The following PRKCZ variants were observed in gnomAD, a reference collection of about 807,000 sequenced individuals.
PRKCZ encodes protein kinase C zeta type.
Under a neutral mutation model 79.5 loss-of-function variants are expected in PRKCZ, and 33 were observed. The observed-to-expected ratio is 0.41, with a 90% CI of 0.31 to 0.55. The LOEUF is 0.55. PRKCZ is among the 20% of genes least tolerant of loss of function. The pLI, the probability that PRKCZ is intolerant of heterozygous loss-of-function variation, is 0.19. For missense variants in PRKCZ, 578 were observed against 813.5 expected, an observed-to-expected ratio of 0.71 and a Z score of 3.52; for synonymous variants, 342 against 320.9, an observed-to-expected ratio of 1.07 and a Z score of -0.70.
intron 5 of PRKCZ, 135 bp downstream of exon 5, chr1:2,135,482 TG>T (rs1676002437): frequency 1.3e-6 from 1 of 780,350 alleles, no homozygotes; most frequent in Non-Finnish European, 2.0e-6. Context: ...GTTACAGAAA[TG>T]CTTTCTCTGG....
At chr1:2,066,520 T>G (rs1333997880) in intron 4 of PRKCZ, among the ~76,000 whole-genome samples, 1 of 152,188 alleles carries the variant, frequency 6.6e-6, no homozygotes, top group Non-Finnish European at 1.5e-5. Context: ...TTTTTGTAAT[T>G]TTAGTAGAGA....
At chr1:2,081,630 C>T (rs2102394682) in intron 4 of PRKCZ, among the ~76,000 whole-genome samples, 1 of 152,260 alleles carries the variant, frequency 6.6e-6, no homozygotes, top group East Asian at 1.9e-4. Context: ...CCACACTGTG[C>T]CCGGACTTGG....
chr1:2,107,807 G>T (rs990493309), intron 4 of PRKCZ, among the ~76,000 whole-genome samples: 1 of 150,664 alleles, frequency 6.6e-6, no homozygotes, highest in African/African-American at 2.5e-5. Context: ...GGGCAGTGTC[G>T]GGAGCCCCCA....
Position 2,135,262 on chromosome 1 carries a change from AATCT to A in PRKCZ, c.341_344del (p.Ile114ThrfsTer64), listed in dbSNP as rs748450605. The A allele has an allele frequency of 1.2e-6, 2 of 1,611,640 alleles. No individual in the cohort carries two copies. The highest frequency in any genetic ancestry group is 2.2e-5 in the East Asian group (1 of 44,844). On this transcript the variant is annotated frameshift_variant and splice_region_variant, in exon 5 of 18. Transcript: ENST00000378567. LOFTEE classifies it high-confidence loss of function. ...TACACCTTTCTCATATCCTTTCCAG[AATCT>A]ATCTACCGCCGGGGAGCCAGAAGAT...
At chr1:2,061,063 C>T (rs1338249248) in intron 4 of PRKCZ, among the ~76,000 whole-genome samples, 1 of 152,230 alleles carries the variant, frequency 6.6e-6, no homozygotes, top group Non-Finnish European at 1.5e-5. Flanking sequence ...CGCCCTGCAG[C>T]CTCATGCTGC....
In PRKCZ at chr1:2,127,006, G is replaced by A. The variant is rs1174457708; in HGVS notation, c.335-8256G>A. 2.0e-5 allele frequency among the ~76,000 whole-genome samples: 3 copies of A among 152,226 alleles called. No homozygotes were observed. The highest frequency in any genetic ancestry group is 4.4e-5 in the Non-Finnish European group (3 of 68,040). ...GCCTAGACGTGAGAGGACGGAAGTC[G>A]GCAGAGCTTGGCTCCCTGTTCGCCC... On this transcript the variant is annotated intron_variant, in intron 4 of 17. Coordinates refer to ENST00000378567, the MANE Select transcript of PRKCZ (RefSeq NM_002744.6). This position sits in a 1 kb window ranked among gnomAD's most constrained non-coding sequence, Gnocchi z 5.1.
Position 2,148,916 on chromosome 1 carries a change from G to A in PRKCZ, c.679G>A (p.Asp227Asn). The A allele has an allele frequency of 1.9e-6, 3 of 1,613,832 alleles. No homozygotes were observed. Among genetic ancestry groups the A allele is most frequent in the South Asian group, 2.2e-5 (2 of 91,042 alleles). The change falls in exon 8 of 18, where the codon GAC becomes AAC. Residue 227 changes from aspartate (D) to asparagine (N), a missense_variant. Physicochemically the swap from Asp to Asn is conservative, Grantham distance 23. This residue lies in a region of PRKCZ where 91 missense variants were observed against 97.5 expected (regional missense o/e 0.93). Transcript: ENST00000378567. ...SSRKHDSIKD[D>N]SEDLKPVIDG... is the part of the protein sequence containing the mutation. Reference sequence around the variant, plus strand: ...CCGGAAGCATGACAGCATTAAAGACGACTCGGAGGTGAGTGTGTGGAGCAG... The same window carrying A: ...CCGGAAGCATGACAGCATTAAAGACAACTCGGAGGTGAGTGTGTGGAGCAG...
At chr1:2,141,383 T>C (rs1677291325) in intron 5 of PRKCZ, 1 of 150,816 alleles carries the variant, frequency 6.6e-6, no homozygotes, top group African/African-American at 2.4e-5. Flanking sequence ...TCTCACTCTG[T>C]TGCCCAGGCT....
Position 2,082,467 on chromosome 1 carries a change from G to T in PRKCZ, c.334+22876G>T. The T allele has an allele frequency of 2.2e-6, 1 of 454,922 alleles. No individual in the cohort carries two copies. Among genetic ancestry groups the T allele is most frequent in the South Asian group, 1.6e-5 (1 of 64,356 alleles). 28.2% of individuals were successfully genotyped at this position (454,922 alleles called of 1,614,324 possible). A position where few individuals can be genotyped will look rare whatever the true frequency, so the allele number is the denominator to read the frequency against. On this transcript the variant is annotated intron_variant, in intron 4 of 17. Coordinates refer to ENST00000378567, the MANE Select transcript of PRKCZ (RefSeq NM_002744.6). The surrounding 1 kb of genome is among the most constrained non-coding windows in gnomAD (Gnocchi z 4.4). ...GAGACTGTAATTTCATTCTGTGAGT[G>T]TAAGATCACGTCCGCGTTCCTAGCG...
chr1:2,120,415 T>A (rs1261730095), intron 4 of PRKCZ, among the ~76,000 whole-genome samples: 2 of 143,134 alleles, frequency 1.4e-5, no homozygotes, highest in Admixed American at 7.4e-5. Context: ...TTCTCCTGCC[T>A]CAGCGTCCCG....
At chr1:2,071,051 C>CACCTGGGCATGTGACCTGGGCGTGTG (rs1557491859) in intron 4 of PRKCZ, among the ~76,000 whole-genome samples, 1 of 151,682 alleles carries the variant, frequency 6.6e-6, no homozygotes, top group African/African-American at 2.4e-5. Context: ...GCAGCCAGTA[C>CACCTGGGCATGTGACCTGGGCGTGTG]ACCTGGGCGT....
rs376551341 is a variant in PRKCZ, at chr1:2,132,062, C to T, written c.335-3200C>T. Among the ~76,000 whole-genome samples, 245 of 152,352 alleles carry T rather than the reference C, an allele frequency of 1.6e-3. 6 individuals carry two copies. In the South Asian group the frequency reaches 0.048, roughly 30 times the overall value. On this transcript the variant is annotated intron_variant, in intron 4 of 17. Coordinates refer to ENST00000378567, the MANE Select transcript of PRKCZ (RefSeq NM_002744.6). ...TCCTGACCTTGTGATCTGCCCGCCT[C>T]GGCCTCCCAAAGTGCTGGGATTACA...
At position 2,149,004 on chromosome 1, in the gene PRKCZ, A is replaced by G. The variant is rs1378804885; in HGVS notation, c.687+80A>G. The G allele has an allele frequency of 2.1e-5, 30 of 1,461,104 alleles. No homozygotes were observed. Among genetic ancestry groups the G allele is most frequent in the Non-Finnish European group, 2.8e-5 (29 of 1,044,682 alleles). The allele number at this position is 1,461,104 out of a possible 1,614,324, so 90.5% of individuals were successfully genotyped here. On this transcript the variant is annotated intron_variant, in intron 8 of 17. Transcript: ENST00000378567. This position sits in a 1 kb window ranked among gnomAD's most constrained non-coding sequence, Gnocchi z 4.1. ...AGCCTGTCTCTGGGGTAGTCACGGA[A>G]ATCTAGATGTGAAATAGACATGGTC...
chr1:2,184,889 C>A, intron 17 of PRKCZ, 33 bp from the exon 18 acceptor site: 2 of 1,578,050 alleles, frequency 1.3e-6, no homozygotes, highest in South Asian at 2.2e-5. Flanking sequence ...AACACACGGT[C>A]ACCCCCCTCC....
At chr1:2,097,223 T>G (rs1666679090) in intron 4 of PRKCZ, among the ~76,000 whole-genome samples, 1 of 152,170 alleles carries the variant, frequency 6.6e-6, no homozygotes, top group Non-Finnish European at 1.5e-5. Context: ...CCAGAGGTTC[T>G]GGGTTCTGCC....
chr1:2,132,079 G>A (rs1675092546), intron 4 of PRKCZ, among the ~76,000 whole-genome samples: 1 of 152,218 alleles, frequency 6.6e-6, no homozygotes, highest in African/African-American at 2.4e-5. Flanking sequence ...CCAAAGTGCT[G>A]GGATTACAGG....
chr1:2,174,768 C>G lies in PRKCZ; in HGVS notation c.1420C>G (p.Pro474Ala). The change falls in exon 15 of 18, where the codon CCC (proline) becomes GCC (alanine). Residue 474 changes from proline to alanine, a missense_variant. Physicochemically the swap from Pro to Ala is conservative, Grantham distance 27. Around this residue, in one of 4 missense-constraint regions of PRKCZ, gnomAD observed 243 missense variants for 467.0 expected, o/e 0.52. Transcript: ENST00000378567. This position sits in a 1 kb window ranked among gnomAD's most constrained non-coding sequence, Gnocchi z 6.2. Reference sequence around the variant, plus strand: ...CGCCCTTGCAGTGATCCTGGAGAAGCCCATCCGGATCCCCCGGTTCCTGTC... The same window carrying G: ...CGCCCTTGCAGTGATCCTGGAGAAGGCCATCCGGATCCCCCGGTTCCTGTC... ...DYLFQVILEKPIRIPRFLSVK... is the reference protein window; with the variant it reads ...DYLFQVILEKAIRIPRFLSVK... 1 of 1,614,108 alleles carries G rather than the reference C, an allele frequency of 6.2e-7. No homozygotes were observed.
At chr1:2,056,604 T>TGG in intron 3 of PRKCZ, 31 bp downstream of exon 3, 1 of 1,588,744 alleles carries the variant, frequency 6.3e-7, no homozygotes, top group Non-Finnish European at 8.6e-7. Flanking sequence ...TGGGCAGCTC[T>TGG]GGGGGGCTGT....
At chr1:2,102,387 C>T (rs907551326) in intron 4 of PRKCZ, among the ~76,000 whole-genome samples, 2 of 151,538 alleles carry the variant, frequency 1.3e-5, no homozygotes, top group Admixed American at 6.6e-5. Context: ...GGCTGGAGTG[C>T]AGTGGTGCAA....
Sources: allele counts gnomAD v4.1 joint callset (sites outside exome capture counted in the v4.1 genomes callset), GRCh38; gene constraint gnomAD v4.1.1; regional missense constraint gnomAD v4.1.1; non-coding constraint Gnocchi (gnomAD v3.1); transcripts MANE v1.5; gene names NCBI Gene and HGNC (gene_info 2026-07-23, HGNC 2026-07-21).